Variants in USP10 observed in about 807,000 individuals in gnomAD.
USP10 encodes ubiquitin carboxyl-terminal hydrolase 10.
USP10 carries 22 observed loss-of-function variants against 84.5 expected under a neutral mutation model. The ratio of observed to expected loss-of-function variants is 0.26; its 90% CI spans 0.19 to 0.37. The LOEUF is 0.37. Among genes scored for constraint, USP10 ranks in the 10% least tolerant of loss-of-function variants. The pLI is 1.00. For synonymous variants in USP10, 454 were observed against 387.6 expected (o/e 1.17, Z -2.01); for missense variants, 1,019 against 998.9 (o/e 1.02, Z -0.27).
rs187118793 is a variant in USP10, at chr16:84,770,504, G to C, written c.1999-2037G>C. The stretch of plus-strand genomic sequence containing the variant: ...TAAGCCTCAGTTGGCTGGGCGAGGT[G>C]GCTCACACCTGTAATCCCAGCACTT... On this transcript the variant is annotated intron_variant, in intron 11 of 13. Coordinates refer to ENST00000219473, the MANE Select transcript of USP10 (RefSeq NM_005153.3). Among the ~76,000 whole-genome samples, 3 of 152,302 alleles carry C rather than the reference G, an allele frequency of 2.0e-5. No homozygotes were observed. In the East Asian group the frequency reaches 5.8e-4, roughly 29 times the overall value.
intron 4 of USP10, among the ~76,000 whole-genome samples, chr16:84,752,186 C>G (rs1189863358): frequency 1.3e-5 from 2 of 152,104 alleles, no homozygotes; most frequent in Non-Finnish European, 2.9e-5. Context: ...CATTTTGTGC[C>G]TTTTCTCACA....
chr16:84,727,273 C>T (rs1467599082), intron 1 of USP10, among the ~76,000 whole-genome samples: 1 of 152,136 alleles, frequency 6.6e-6, no homozygotes, highest in Non-Finnish European at 1.5e-5. Context: ...GTTGTAAATC[C>T]TGTGAAGTCA....
chr16:84,718,207 A>C (rs117935640), intron 1 of USP10, among the ~76,000 whole-genome samples: 1 of 152,326 alleles, frequency 6.6e-6, no homozygotes, highest in African/African-American at 2.4e-5. Flanking sequence ...GTTTAATTAC[A>C]AAAGAAATGT....
intron 4 of USP10, among the ~76,000 whole-genome samples, chr16:84,753,470 C>T (rs1912169208): frequency 6.6e-6 from 1 of 152,184 alleles, no homozygotes. Flanking sequence ...AGCTGGCCGT[C>T]ATGCCGGGAG....
intron 1 of USP10, among the ~76,000 whole-genome samples, chr16:84,702,993 C>CAAAATAAAA (rs1905083854): frequency 1.9e-5 from 1 of 52,176 alleles, no homozygotes; most frequent in Non-Finnish European, 3.4e-5. Flanking sequence ...ACTCCCGTCT[C>CAAAATAAAA]AAAAAAAAAA....
At chr16:84,705,648 G>GT (rs1194403688) in intron 1 of USP10, among the ~76,000 whole-genome samples, 1 of 139,022 alleles carries the variant, frequency 7.2e-6, no homozygotes, top group African/African-American at 2.7e-5. Context: ...ATTTGTCTTT[G>GT]TTTTATGAAG....
chr16:84,727,816 T>A (rs1329269583), intron 1 of USP10, among the ~76,000 whole-genome samples: 2 of 152,236 alleles, frequency 1.3e-5, no homozygotes, highest in Non-Finnish European at 2.9e-5. Flanking sequence ...ATAGGCATAT[T>A]CTCTTAAATA....
At position 84,759,482 on chromosome 16, in the gene USP10, G is replaced by C. The variant is rs550627155; in HGVS notation, c.1394+10G>C. 1 of 1,611,500 alleles carries C rather than the reference G, an allele frequency of 6.2e-7. No individual in the cohort carries two copies. Among genetic ancestry groups the C allele is most frequent in the South Asian group, 1.1e-5 (1 of 91,032 alleles). On this transcript the variant is annotated intron_variant, in intron 6 of 13. Coordinates refer to ENST00000219473, the MANE Select transcript of USP10 (RefSeq NM_005153.3). ...CCATGATAGACAGCTTGTAAGTAAG[G>C]TGGTGAAAGATGTGTTAAGTGGTGG...
Position 84,779,343 on chromosome 16 carries a change from A to T in USP10, c.*261A>T, listed in dbSNP as rs1425220400. On this transcript the variant is annotated 3_prime_UTR_variant, in exon 14 of 14. Transcript: ENST00000219473. ...CACAAAAACCCATATTTCTGAAATA[A>T]TGCTGATTCCTGAGATAAGAAAGTG... The T allele has an allele frequency of 6.4e-6, 2 of 310,272 alleles. No individual in the cohort carries two copies. Among genetic ancestry groups the T allele is most frequent in the Non-Finnish European group, 1.2e-5 (2 of 168,128 alleles). 19.2% of individuals were successfully genotyped at this position (310,272 alleles called of 1,614,324 possible).
At chr16:84,738,240 G>C (rs1910188535) in intron 2 of USP10, among the ~76,000 whole-genome samples, 1 of 152,170 alleles carries the variant, frequency 6.6e-6, no homozygotes, top group Non-Finnish European at 1.5e-5. Flanking sequence ...AGAGAACATT[G>C]ATATAATAGT....
chr16:84,736,920 C>G (rs899185156), intron 2 of USP10, among the ~76,000 whole-genome samples: 3 of 152,242 alleles, frequency 2.0e-5, no homozygotes, highest in African/African-American at 7.2e-5. Flanking sequence ...TCCCGAGTAG[C>G]TGGGACTACA....
chr16:84,762,992 C>G lies in USP10; in HGVS notation c.1558C>G (p.Arg520Gly), dbSNP rs1913385715. The G allele has an allele frequency of 4.4e-6, 7 of 1,605,038 alleles. No individual in the cohort carries two copies. In the South Asian group the frequency reaches 5.5e-5, roughly 13 times the overall value. ...VNKSSLSEKG[R>G]QEDAEEYLGF... is the part of the protein sequence containing the mutation. ...TGATTATATTTGACCTTTTCAGGGT[C>G]GACAAGAAGATGCTGAGGAATACTT... The change falls in exon 9 of 14, where the codon CGA (arginine) becomes GGA (glycine). Residue 520 changes from arginine to glycine, a missense_variant. Physicochemically the swap from Arg to Gly is moderately radical, Grantham distance 125 (BLOSUM62 -2). Around this residue, in one of 2 missense-constraint regions of USP10, gnomAD observed 787 missense variants for 708.8 expected, o/e 1.11. Transcript: ENST00000219473.
At chr16:84,740,422 G>A (rs1008573725) in intron 3 of USP10, 53 bp downstream of exon 3, 57 of 1,424,034 alleles carry the variant, frequency 4.0e-5, no homozygotes, top group Admixed American at 7.6e-5. Context: ...ATACGTGCTG[G>A]GTGGGCAGGC....
At position 84,758,756 on chromosome 16, in the gene USP10, G is replaced by C. The variant is rs562734330; in HGVS notation, c.1233G>C (p.Ser411=). ...TAACCCTAATCCATAAACCAGTGTC[G>C]TTGCAACCCCGTGGGCTGATCAATA... is the stretch of plus-strand genomic sequence containing the variant. The part of the protein sequence containing the change: ...ENVTLIHKPV[S]LQPRGLINKG... The change falls in exon 5 of 14, where the codon TCG becomes TCC. Residue 411 remains serine (S), a synonymous_variant. Coordinates refer to ENST00000219473, the MANE Select transcript of USP10 (RefSeq NM_005153.3). The C allele has an allele frequency of 6.2e-7, 1 of 1,613,764 alleles. No homozygotes were observed. The highest frequency in any genetic ancestry group is 1.3e-5 in the African/African-American group (1 of 74,916).
At chr16:84,725,955 T>TTA (rs1260808727) in intron 1 of USP10, among the ~76,000 whole-genome samples, 9 of 152,220 alleles carry the variant, frequency 5.9e-5, no homozygotes, top group Non-Finnish European at 1.3e-4. Flanking sequence ...TGTGACCTGG[T>TTA]TATACCATTT....
At position 84,772,592 on chromosome 16, in the gene USP10, C is replaced by G; in HGVS notation, c.2050C>G (p.Leu684Val). Residue 684 changes from leucine to valine, a missense_variant, in exon 12 of 14, where the codon CTG (leucine) becomes GTG (valine). Physicochemically the swap from Leu to Val is conservative, Grantham distance 32. Around this residue, in one of 2 missense-constraint regions of USP10, gnomAD observed 232 missense variants for 290.1 expected, o/e 0.80. Transcript: ENST00000219473. ...TLEKLPPVLVLHLKRFVYEKT... is the reference protein window; with the variant it reads ...TLEKLPPVLVVHLKRFVYEKT... ...GGAAAAACTCCCTCCTGTCCTCGTG[C>G]TGCACCTGAAACGATTCGTTTATGA... 6.2e-7 allele frequency: 1 copy of G among 1,614,018 alleles called. No homozygotes were observed. The highest frequency in any genetic ancestry group is 8.5e-7 in the Non-Finnish European group (1 of 1,179,882).
chr16:84,751,451 A>G lies in USP10; in HGVS notation c.1192+5778A>G, dbSNP rs1447182567. ...ACTCTGAAGTACACAGGCAGTGGTC[A>G]TGCGGCGTGATCTAAGTTAAAAAGG... On this transcript the variant is annotated intron_variant, in intron 4 of 13. Transcript: ENST00000219473. Among the ~76,000 whole-genome samples the G allele has an allele frequency of 3.9e-5, 6 of 152,224 alleles. No individual in the cohort carries two copies. The East Asian group carries it at 1.2e-3, about 29-fold the overall frequency.
intron 1 of USP10, among the ~76,000 whole-genome samples, chr16:84,729,360 G>A (rs1010557888): frequency 2.6e-5 from 4 of 152,140 alleles, no homozygotes; most frequent in Non-Finnish European, 4.4e-5. Context: ...GATTCCCCTA[G>A]CTTGTGATAT....
chr16:84,737,947 G>A (rs932303776), intron 2 of USP10, among the ~76,000 whole-genome samples: 1 of 152,346 alleles, frequency 6.6e-6, no homozygotes, highest in African/African-American at 2.4e-5. Flanking sequence ...TGTCCTCAGC[G>A]TCATCTGTGT....
Sources: allele counts gnomAD v4.1 joint callset (sites outside exome capture counted in the v4.1 genomes callset), GRCh38; gene constraint gnomAD v4.1.1; regional missense constraint gnomAD v4.1.1; transcripts MANE v1.5; gene names NCBI Gene and HGNC (gene_info 2026-07-23, HGNC 2026-07-21).